TBX20: variants seen among roughly 807,000 people sequenced by gnomAD.
TBX20 encodes the protein T-box transcription factor TBX20.
Under a neutral mutation model 42.9 loss-of-function variants are expected in TBX20, and 8 were observed. The ratio of observed to expected loss-of-function variants is 0.19; its 90% confidence interval spans 0.11 to 0.34. TBX20 has a LOEUF of 0.34. TBX20 is among the 10% of genes least tolerant of loss of function. The pLI, the probability that TBX20 is intolerant of heterozygous loss-of-function variation, is 1.00. For missense variants in TBX20, 411 were observed against 566.0 expected (o/e 0.73, Z 2.78); for synonymous variants, 198 against 222.8 (o/e 0.89, Z 0.99).
At chr7:35,213,575 T>C (rs890685066) in intron 6 of TBX20, among the ~76,000 whole-genome samples, 4 of 152,194 alleles carry the variant, frequency 2.6e-5, no homozygotes, top group African/African-American at 9.7e-5. Flanking sequence ...ATTGGTACTT[T>C]GGGAACCCAT....
intron 5 of TBX20, among the ~76,000 whole-genome samples, chr7:35,233,965 A>G (rs1042507340): frequency 2.0e-5 from 3 of 152,264 alleles, no homozygotes; most frequent in African/African-American, 7.2e-5. Flanking sequence ...AGTTAGAGAC[A>G]TTAAGGGTAA....
intron 3 of TBX20, 30 bp downstream of exon 3, chr7:35,248,647 T>G (rs2128715920): frequency 6.2e-7 from 1 of 1,613,186 alleles, no homozygotes; most frequent in East Asian, 2.2e-5. Context: ...CACTAACAGT[T>G]TTCTCAGTGA....
intron 6 of TBX20, among the ~76,000 whole-genome samples, chr7:35,207,445 C>G (rs1462281886): frequency 1.3e-5 from 2 of 152,126 alleles, no homozygotes. Context: ...TGCGTTTTCT[C>G]TTTCCTAAAC....
chr7:35,223,586 C>A (rs73691654), intron 6 of TBX20, among the ~76,000 whole-genome samples: 507 of 152,156 alleles, frequency 3.3e-3, no homozygotes, highest in African/African-American at 0.012. Flanking sequence ...GTCTGGGAAG[C>A]CCAGAAAGGA....
In TBX20 at chr7:35,249,410, C is replaced by G. The variant is rs1196366766; in HGVS notation, c.380+541G>C. Among the ~76,000 whole-genome samples, 2 of 152,264 alleles carry G rather than the reference C, an allele frequency of 1.3e-5. No homozygotes were observed. The highest frequency in any genetic ancestry group is 2.9e-5 in the Non-Finnish European group (2 of 68,054). On this transcript the variant is annotated intron_variant, in intron 2 of 7. Coordinates refer to ENST00000408931, the MANE Select transcript of TBX20 (RefSeq NM_001077653.2). The surrounding 1 kb of genome is among the most constrained non-coding windows in gnomAD (Gnocchi z 4.3). The stretch of plus-strand genomic sequence containing the variant: ...CCTGCAGCTTCCTGCCTGGCCAAAG[C>G]CCGCCCGGCTCTGGCGCCAAGAGGC...
Position 35,202,665 on chromosome 7 carries a change from G to T in TBX20, c.1109C>A (p.Thr370Asn). The change falls in exon 8 of 8, where the codon ACC becomes AAC. Residue 370 changes from threonine (T) to asparagine (N), a missense_variant. Thr to Asn is a moderately conservative substitution (Grantham distance 65). Coordinates refer to ENST00000408931, the MANE Select transcript of TBX20 (RefSeq NM_001077653.2). ...QHPQSLTALG[T>N]STASIATPIP... ...GGGTGTTGCTATGGATGCTGTGCTG[G>T]TGCCAAGAGCAGTCAGGGACTGTGG... The T allele has an allele frequency of 6.2e-7, 1 of 1,613,398 alleles. No homozygotes were observed. Among genetic ancestry groups the T allele is most frequent in the South Asian group, 1.1e-5 (1 of 90,896 alleles).
intron 5 of TBX20, among the ~76,000 whole-genome samples, chr7:35,231,841 G>C (rs1219165523): frequency 2.0e-5 from 3 of 152,104 alleles, no homozygotes; most frequent in African/African-American, 4.8e-5. Context: ...GAGCCTTTGA[G>C]GCAAAAGTAG....
intron 5 of TBX20, among the ~76,000 whole-genome samples, chr7:35,239,405 A>G (rs1016035677): frequency 6.6e-6 from 1 of 152,246 alleles, no homozygotes; most frequent in Non-Finnish European, 1.5e-5. Context: ...GCTACCTATG[A>G]CCAATGAAAC....
intron 6 of TBX20, among the ~76,000 whole-genome samples, chr7:35,212,688 C>CT (rs1173927302): frequency 3.3e-5 from 5 of 152,170 alleles, no homozygotes; most frequent in African/African-American, 1.2e-4. Flanking sequence ...TCTGAATAGT[C>CT]TACCAAATGC....
chr7:35,228,864 GC>G (rs1012984594), intron 6 of TBX20, among the ~76,000 whole-genome samples: 2 of 152,102 alleles, frequency 1.3e-5, no homozygotes, highest in African/African-American at 4.8e-5. Context: ...TTCTATTTTT[GC>G]CAGTGAGGTG....
intron 4 of TBX20, among the ~76,000 whole-genome samples, chr7:35,242,282 T>C (rs1488485957): frequency 2.0e-5 from 3 of 152,326 alleles, no homozygotes; most frequent in Non-Finnish European, 2.9e-5. Context: ...TTAACTGCGA[T>C]TGAATTTTGA....
chr7:35,244,827 A>G, intron 4 of TBX20, 122 bp downstream of exon 4: 1 of 720,080 alleles, frequency 1.4e-6, no homozygotes. Flanking sequence ...CCATAAAATG[A>G]CTCAGAGATA....
chr7:35,220,616 G>T (rs1789666095), intron 6 of TBX20, among the ~76,000 whole-genome samples: 1 of 152,176 alleles, frequency 6.6e-6, no homozygotes, highest in South Asian at 2.1e-4. Context: ...ATACCTGGAA[G>T]ATCTAACAAA....
In TBX20 at chr7:35,249,872, G is replaced by A. The variant is rs1584359776; in HGVS notation, c.380+79C>T. 34 of 1,495,116 alleles carry A rather than the reference G, an allele frequency of 2.3e-5. No individual in the cohort carries two copies. In the South Asian group the frequency reaches 4.3e-4, roughly 19 times the overall value. The allele number at this position is 1,495,116 out of a possible 1,614,324, so 92.6% of individuals were successfully genotyped here. ...TCCATGACCAGCCAGCTCTCATCTA[G>A]TTCCTGGAAGCACCCTCAACTACCC... On this transcript the variant is annotated intron_variant, in intron 2 of 7. Transcript: ENST00000408931. The surrounding 1 kb of genome is among the most constrained non-coding windows in gnomAD (Gnocchi z 4.3).
chr7:35,252,838 T>C (rs1470454485), intron 1 of TBX20, among the ~76,000 whole-genome samples: 2 of 152,218 alleles, frequency 1.3e-5, no homozygotes, highest in Admixed American at 1.3e-4. Context: ...CCTAGTGTCT[T>C]CTATAAATGG....
At chr7:35,247,011 T>A (rs966844648) in intron 3 of TBX20, among the ~76,000 whole-genome samples, 2 of 151,896 alleles carry the variant, frequency 1.3e-5, no homozygotes, top group African/African-American at 4.8e-5. Flanking sequence ...TGGTACACAC[T>A]TTTTTTCTCC....
intron 5 of TBX20, among the ~76,000 whole-genome samples, chr7:35,231,916 A>G (rs2128713506): frequency 6.6e-6 from 1 of 152,328 alleles, no homozygotes; most frequent in Admixed American, 6.5e-5. Flanking sequence ...GGCTGAACAG[A>G]GGAATGGGAG....
chr7:35,243,377 C>G (rs1461715510), intron 4 of TBX20, among the ~76,000 whole-genome samples: 1 of 152,028 alleles, frequency 6.6e-6, no homozygotes, highest in African/African-American at 2.4e-5. Flanking sequence ...CAGGCTAGAC[C>G]CTAGAGCTTC....
chr7:35,214,778 T>C (rs1355610242), intron 6 of TBX20, among the ~76,000 whole-genome samples: 1 of 152,178 alleles, frequency 6.6e-6, no homozygotes, highest in Non-Finnish European at 1.5e-5. Context: ...GAAGCATAAG[T>C]CATATTAACA....
Sources: allele counts gnomAD v4.1 joint callset (sites outside exome capture counted in the v4.1 genomes callset), GRCh38; gene constraint gnomAD v4.1.1; non-coding constraint Gnocchi (gnomAD v3.1); transcripts MANE v1.5; gene names NCBI Gene and HGNC (gene_info 2026-07-23, HGNC 2026-07-21).